Variants in BLTP3B observed in about 807,000 individuals in gnomAD.
The protein encoded by BLTP3B is bridge-like lipid transfer protein family member 3B.
chr12:100,087,228 C>T, the BLTP3B span, among the ~76,000 whole-genome samples: 3 of 147,382 alleles, frequency 2.0e-5, no homozygotes, highest in African/African-American at 7.5e-5. Flanking sequence ...TCCAAAGTCA[C>T]ACAGCTATAG....
At chr12:100,058,552 T>G in the BLTP3B span, 3 of 1,612,260 alleles carry the variant, frequency 1.9e-6, no homozygotes, top group African/African-American at 4.0e-5. Context: ...TGTTTTCTTT[T>G]TGAAGACAAA....
At chr12:100,058,494 A>G in the BLTP3B span, 4 of 1,613,370 alleles carry the variant, frequency 2.5e-6, no homozygotes, top group African/African-American at 1.3e-5. Flanking sequence ...GTTGTCTGAC[A>G]TATGATTAAC....
At chr12:100,071,661 C>T in the BLTP3B span, among the ~76,000 whole-genome samples, 1 of 151,784 alleles carries the variant, frequency 6.6e-6, no homozygotes, top group Non-Finnish European at 1.5e-5. Context: ...GTTAGAAAGC[C>T]AAAGAAGCTT....
the BLTP3B span, among the ~76,000 whole-genome samples, chr12:100,063,705 C>CA: frequency 0.036 from 3,221 of 88,718 alleles, 38 homozygotes; most frequent in African/African-American, 0.054. Context: ...AACTCCGTCT[C>CA]AAAAAAAAAA....
At chr12:100,121,825 G>A in the BLTP3B span, among the ~76,000 whole-genome samples, 51 of 152,126 alleles carry the variant, frequency 3.4e-4, no homozygotes, top group East Asian at 8.1e-3. Context: ...GCGAAAGTCC[G>A]TCTCAAGAAA....
At chr12:100,128,563 G>T in the BLTP3B span, 1 of 1,185,054 alleles carries the variant, frequency 8.4e-7, no homozygotes, top group South Asian at 1.6e-5. Context: ...AAAAAGCATG[G>T]GGAATAGAAG....
the BLTP3B span, among the ~76,000 whole-genome samples, chr12:100,127,223 T>C: frequency 6.6e-6 from 1 of 152,230 alleles, no homozygotes; most frequent in Non-Finnish European, 1.5e-5. Context: ...ATAAAAGACC[T>C]TAACTATTAA....
At chr12:100,058,478 A>T in the BLTP3B span, 3 of 1,613,366 alleles carry the variant, frequency 1.9e-6, no homozygotes, top group African/African-American at 4.0e-5. Flanking sequence ...CAACACTCAT[A>T]GATCTGTTGT....
chr12:100,041,684 C>A, the BLTP3B span, among the ~76,000 whole-genome samples: 1 of 152,050 alleles, frequency 6.6e-6, no homozygotes, highest in African/African-American at 2.4e-5. Context: ...ATCCACCCGC[C>A]TCGGCTTCCC....
the BLTP3B span, chr12:100,083,145 C>G: frequency 6.3e-7 from 1 of 1,592,026 alleles, no homozygotes; most frequent in South Asian, 1.1e-5. Context: ...CTGTTGGAAA[C>G]AAAAACTCCT....
chr12:100,095,004 A>G, the BLTP3B span, among the ~76,000 whole-genome samples: 1 of 152,234 alleles, frequency 6.6e-6, no homozygotes, highest in East Asian at 1.9e-4. Context: ...TACTAGAGGT[A>G]GATATAAAAA....
chr12:100,135,289 T>C, the BLTP3B span, among the ~76,000 whole-genome samples: 3 of 151,618 alleles, frequency 2.0e-5, no homozygotes, highest in East Asian at 5.8e-4. Context: ...TTCTTTTTTT[T>C]TTGAGACAGG....
chr12:100,097,203 C>A, the BLTP3B span, among the ~76,000 whole-genome samples: 1 of 152,168 alleles, frequency 6.6e-6, no homozygotes, highest in Non-Finnish European at 1.5e-5. Context: ...ACTATACCTC[C>A]CTTTATTTTG....
chr12:100,090,057 C>A, the BLTP3B span, among the ~76,000 whole-genome samples: 1 of 152,182 alleles, frequency 6.6e-6, no homozygotes, highest in African/African-American at 2.4e-5. Flanking sequence ...CGAGGCTTCC[C>A]CAGCCACATG....
chr12:100,078,635 T>G, the BLTP3B span, among the ~76,000 whole-genome samples: 25 of 152,198 alleles, frequency 1.6e-4, no homozygotes, highest in Non-Finnish European at 3.2e-4. Context: ...TGCATATTGT[T>G]AAATATCCAT....
chr12:100,065,233 T>G, the BLTP3B span, among the ~76,000 whole-genome samples: 8 of 152,144 alleles, frequency 5.3e-5, no homozygotes, highest in Non-Finnish European at 7.4e-5. Flanking sequence ...AGGTCCACTG[T>G]GATGAATGCG....
the BLTP3B span, among the ~76,000 whole-genome samples, chr12:100,127,628 T>C: frequency 6.6e-6 from 1 of 152,214 alleles, no homozygotes; most frequent in African/African-American, 2.4e-5. Context: ...AATAACCTGG[T>C]TTTATAACAT....
chr12:100,040,116 T>A, the BLTP3B span, among the ~76,000 whole-genome samples: 1 of 152,194 alleles, frequency 6.6e-6, no homozygotes, highest in Non-Finnish European at 1.5e-5. Context: ...AATAAACTTT[T>A]AGTTAGACTG....
the BLTP3B span, among the ~76,000 whole-genome samples, chr12:100,088,699 A>G: frequency 6.6e-6 from 1 of 152,340 alleles, no homozygotes; most frequent in African/African-American, 2.4e-5. Flanking sequence ...TAGCATTGAT[A>G]GCTAACAAAT....
Sources: gnomAD v4.1 joint callset for allele counts (sites outside exome capture counted in the v4.1 genomes callset) on GRCh38, gnomAD v4.1.1 for gene constraint, MANE v1.5 for transcripts, NCBI Gene and HGNC (gene_info 2026-07-23, HGNC 2026-07-21) for gene names.